The following ECT2 variants were observed in gnomAD, a reference collection of about 807,000 sequenced individuals.
ECT2 encodes epithelial cell transforming 2.
ECT2 carries 61 observed loss-of-function variants against 116.9 expected under a neutral mutation model. The observed-to-expected ratio is 0.52, with a 90% CI of 0.42 to 0.65. The LOEUF (loss-of-function observed/expected upper bound fraction) is 0.65, where lower values mean the gene tolerates loss of function less well. ECT2 is among the 30% of genes least tolerant of loss of function. The probability of loss-of-function intolerance (pLI) is 0.00; values close to 1 mark genes in which losing one functional copy is unlikely to be tolerated. For synonymous variants in ECT2, 358 were observed against 346.4 expected (o/e 1.03, Z -0.37); for missense variants, 937 against 1,078.7 (o/e 0.87, Z 1.84).
chr3:172,769,422 C>G (rs985702077), intron 13 of ECT2, among the ~76,000 whole-genome samples: 5 of 152,028 alleles, frequency 3.3e-5, no homozygotes, highest in African/African-American at 9.7e-5. Context: ...CAGAATTTTG[C>G]AGGTTCCTTG....
chr3:172,802,718 ATTAAT>A (rs748254514), intron 19 of ECT2, 24 bp downstream of exon 19: 52 of 1,548,542 alleles, frequency 3.4e-5, no homozygotes, highest in Non-Finnish European at 4.4e-5. Flanking sequence ...TTTAACAATT[ATTAAT>A]TTATTTTCTT....
intron 1 of ECT2, among the ~76,000 whole-genome samples, chr3:172,752,647 C>T (rs950535706): frequency 1.4e-4 from 22 of 152,034 alleles, no homozygotes; most frequent in African/African-American, 4.1e-4. Context: ...ACTATTGGAC[C>T]GCTCCTTTGG....
intron 1 of ECT2, 196 bp from the exon 2 acceptor site, chr3:172,754,313 C>T (rs1295027226): frequency 7.4e-6 from 3 of 407,646 alleles, no homozygotes; most frequent in Non-Finnish European, 1.3e-5. Context: ...TTATTATATT[C>T]CTGTGAGTCA....
chr3:172,799,230 G>A (rs1469558206), intron 18 of ECT2, among the ~76,000 whole-genome samples: 1 of 152,090 alleles, frequency 6.6e-6, no homozygotes, highest in African/African-American at 2.4e-5. Context: ...GAACTGTACT[G>A]TTTCTAAAGC....
intron 24 of ECT2, among the ~76,000 whole-genome samples, chr3:172,819,020 A>T (rs1730275893): frequency 6.6e-6 from 1 of 152,150 alleles, no homozygotes; most frequent in Non-Finnish European, 1.5e-5. Context: ...ATTTAGGAAA[A>T]TTATCATTTT....
At chr3:172,758,528 A>G (rs1717548081) in intron 5 of ECT2, among the ~76,000 whole-genome samples, 1 of 151,704 alleles carries the variant, frequency 6.6e-6, no homozygotes. Flanking sequence ...TTTACTGAAT[A>G]TCACCATTTA....
rs370074442 is a variant in ECT2, at chr3:172,818,851, G to GA, written c.2656-1287dup. 5.4e-3 allele frequency: 5,415 copies of GA among 996,614 alleles called. 6 individuals are homozygous for GA. Among genetic ancestry groups the GA allele is most frequent in the African/African-American group, 0.018 (1,014 of 57,056 alleles). The allele number at this position is 996,614 out of a possible 1,614,324, so 61.7% of individuals were successfully genotyped here. On this transcript the variant is annotated intron_variant, in intron 24 of 24. Coordinates refer to ENST00000392692, the MANE Select transcript of ECT2 (RefSeq NM_001258315.2). ...AGCTATTTAAAATTTGTATTTGCGGGAAAAAAAAAAGGAACATATTTTTTC... is the reference window on the plus strand; with the variant it reads ...AGCTATTTAAAATTTGTATTTGCGGGAAAAAAAAAAAGGAACATATTTTTTC...
At chr3:172,809,334 T>G (rs1728334908) in intron 22 of ECT2, among the ~76,000 whole-genome samples, 1 of 152,110 alleles carries the variant, frequency 6.6e-6, no homozygotes, top group African/African-American at 2.4e-5. Context: ...ATGGAAGAAA[T>G]TCATAAGTAA....
At chr3:172,794,786 C>G (rs1363258790) in intron 18 of ECT2, among the ~76,000 whole-genome samples, 1 of 152,096 alleles carries the variant, frequency 6.6e-6, no homozygotes, top group Non-Finnish European at 1.5e-5. Flanking sequence ...ACGGTCTCGG[C>G]TCACTGCAAT....
At chr3:172,779,807 T>C (rs1722369746) in intron 14 of ECT2, among the ~76,000 whole-genome samples, 1 of 150,638 alleles carries the variant, frequency 6.6e-6, no homozygotes, top group Admixed American at 6.6e-5. Flanking sequence ...GAAGCTTAGG[T>C]GGGAGGATTG....
At chr3:172,820,042 A>G in intron 24 of ECT2, 106 bp from the exon 25 acceptor site, 1 of 692,780 alleles carries the variant, frequency 1.4e-6, no homozygotes, top group Non-Finnish European at 2.3e-6. Flanking sequence ...CTTAATTGTT[A>G]CAGTAATTTG....
chr3:172,789,509 T>C (rs1724257723), intron 18 of ECT2, among the ~76,000 whole-genome samples: 1 of 152,174 alleles, frequency 6.6e-6, no homozygotes, highest in African/African-American at 2.4e-5. Flanking sequence ...CGGCCGGCAC[T>C]TTGTTAAAAT....
At chr3:172,813,164 A>G (rs896546962) in intron 22 of ECT2, among the ~76,000 whole-genome samples, 12 of 152,298 alleles carry the variant, frequency 7.9e-5, no homozygotes, top group Non-Finnish European at 1.3e-4. Context: ...ATATAAATGC[A>G]TAAGTATCAA....
intron 18 of ECT2, among the ~76,000 whole-genome samples, chr3:172,793,188 A>G (rs1358240203): frequency 6.6e-6 from 1 of 151,976 alleles, no homozygotes; most frequent in Non-Finnish European, 1.5e-5. Flanking sequence ...TATTTTTGAG[A>G]TGGAGTCTCA....
chr3:172,786,072 T>C (rs776848680), intron 17 of ECT2, among the ~76,000 whole-genome samples: 12 of 152,132 alleles, frequency 7.9e-5, no homozygotes, highest in Admixed American at 2.0e-4. Context: ...AGTATAAATC[T>C]CTAAGGTAAC....
intron 18 of ECT2, among the ~76,000 whole-genome samples, chr3:172,801,782 G>C (rs1487629191): frequency 1.3e-5 from 2 of 152,204 alleles, no homozygotes; most frequent in Non-Finnish European, 2.9e-5. Flanking sequence ...GATGTTAAGT[G>C]TCTTGAGAAC....
chr3:172,754,515 T>A lies in ECT2; in HGVS notation c.-16T>A. The A allele has an allele frequency of 1.3e-6, 2 of 1,580,348 alleles. No individual in the cohort carries two copies. The highest frequency in any genetic ancestry group is 8.6e-7 in the Non-Finnish European group (1 of 1,166,590). The stretch of plus-strand genomic sequence containing the variant: ...TCAAATTTTATTTTTTCAGCTGATT[T>A]AGAAGAATACAAATCATGGCTGAAA... On this transcript the variant is annotated 5_prime_UTR_variant, in exon 2 of 25. Transcript: ENST00000392692.
chr3:172,811,726 A>G (rs945238815), intron 22 of ECT2, among the ~76,000 whole-genome samples: 41 of 152,252 alleles, frequency 2.7e-4, no homozygotes, highest in African/African-American at 9.4e-4. Flanking sequence ...GTTTCATTAC[A>G]TATAAAAATG....
downstream of ECT2, among the ~76,000 whole-genome samples, chr3:172,826,039 A>G (rs1577065766): frequency 6.6e-6 from 1 of 152,100 alleles, no homozygotes; most frequent in Non-Finnish European, 1.5e-5. Context: ...GATTACAGGC[A>G]CGCCCCGCCA....
Sources: allele counts gnomAD v4.1 joint callset (sites outside exome capture counted in the v4.1 genomes callset), GRCh38; gene constraint gnomAD v4.1.1; transcripts MANE v1.5; gene names NCBI Gene and HGNC (gene_info 2026-07-23, HGNC 2026-07-21).